Variants in COA1 observed in about 807,000 individuals in gnomAD.
COA1 encodes the protein cytochrome c oxidase assembly factor 1.
COA1 carries 13 observed loss-of-function variants against 16.0 expected under a neutral mutation model. That is an observed-to-expected ratio of 0.81 (90% CI 0.53 to 1.29). The LOEUF (loss-of-function observed/expected upper bound fraction) is 1.29, where lower values mean the gene tolerates loss of function less well. Among genes scored for constraint, COA1 ranks in the 50% most tolerant of loss-of-function variants. COA1 has a pLI of 0.00. For synonymous variants in COA1, 65 were observed against 65.7 expected (o/e 0.99, Z 0.05); for missense variants, 179 against 177.0 (o/e 1.01, Z -0.06).
At position 43,648,146 on chromosome 7, in the gene COA1, T is replaced by C. The variant is rs570666179; in HGVS notation, c.15+454A>G. On this transcript the variant is annotated intron_variant, in intron 2 of 5. Coordinates refer to ENST00000223336, the MANE Select transcript of COA1 (RefSeq NM_018224.4). ...TTATGACTCAGGCTGAATGAACAGA[T>C]GGAGGGATGCCAGCTCGGTAAATAC... is the stretch of plus-strand genomic sequence containing the variant. 4.3e-5 allele frequency: 9 copies of C among 210,240 alleles called. No homozygotes were observed. The East Asian group carries it at 8.3e-4, about 19-fold the overall frequency. 13.0% of individuals were successfully genotyped at this position (210,240 alleles called of 1,614,324 possible). A position where few individuals can be genotyped will look rare whatever the true frequency, so the allele number is the denominator to read the frequency against.
intron 4 of COA1, 32 bp from the exon 5 acceptor site, chr7:43,640,681 G>A (rs758968798): frequency 3.5e-6 from 5 of 1,431,630 alleles, no homozygotes; most frequent in Non-Finnish European, 4.8e-6. Context: ...AAGGAGAGAT[G>A]TAATTGGATA....
At chr7:43,689,993 G>A (rs2094201575) in intron 1 of COA1, among the ~76,000 whole-genome samples, 1 of 151,900 alleles carries the variant, frequency 6.6e-6, no homozygotes, top group South Asian at 2.1e-4. Context: ...AGACAGATGG[G>A]ACACATAGAA....
At chr7:43,613,329 A>G (rs749673238) in intron 6 of COA1, among the ~76,000 whole-genome samples, 45 of 152,218 alleles carry the variant, frequency 3.0e-4, no homozygotes, top group Non-Finnish European at 4.4e-4. Flanking sequence ...GTGTGGTATT[A>G]TAATAGCTAT....
chr7:43,612,510 A>G (rs149844804), intron 6 of COA1, among the ~76,000 whole-genome samples: 194 of 152,352 alleles, frequency 1.3e-3, no homozygotes, highest in African/African-American at 4.5e-3. Context: ...CATTGCCTCA[A>G]AGCTAAATAT....
chr7:43,639,716 A>G (rs780627973), intron 5 of COA1, 35 bp from the exon 6 acceptor site: 27 of 1,543,228 alleles, frequency 1.7e-5, no homozygotes, highest in Middle Eastern at 1.7e-4. Context: ...TCTCTAATCT[A>G]TGAAGGCTGA....
At chr7:43,657,509 CCATT>C (rs2091893958) in intron 1 of COA1, among the ~76,000 whole-genome samples, 1 of 151,958 alleles carries the variant, frequency 6.6e-6, no homozygotes, top group Non-Finnish European at 1.5e-5. Context: ...CAGTTGTTAC[CCATT>C]CATTCAATCA....
chr7:43,639,693 C>T lies in COA1; in HGVS notation c.342-12G>A, dbSNP rs1044536155. 6.3e-7 allele frequency: 1 copy of T among 1,599,568 alleles called. No individual in the cohort carries two copies. The highest frequency in any genetic ancestry group is 1.3e-5 in the African/African-American group (1 of 74,590). On this transcript the variant is annotated splice_polypyrimidine_tract_variant and intron_variant, in intron 5 of 5. Transcript: ENST00000223336. Reference sequence around the variant, plus strand: ...CGTCAAGGTGCCACCTGAGAGAAACCAAAAGTATAGTATCTCTAATCTATG... The same window carrying T: ...CGTCAAGGTGCCACCTGAGAGAAACTAAAAGTATAGTATCTCTAATCTATG...
chr7:43,680,283 CAA>C (rs552891478), intron 1 of COA1, among the ~76,000 whole-genome samples: 9 of 72,992 alleles, frequency 1.2e-4, no homozygotes, highest in African/African-American at 9.9e-5. Context: ...GACAGGGAGA[CAA>C]AAAAAAAAAA....
intron 1 of COA1, among the ~76,000 whole-genome samples, chr7:43,675,171 G>A (rs117125672): frequency 0.033 from 4,964 of 152,226 alleles, 103 homozygotes; most frequent in Non-Finnish European, 0.048. Flanking sequence ...GCAAAGACTT[G>A]GAACCAACCC....
Position 43,645,236 on chromosome 7 carries a change from G to C in COA1, c.264+15C>G. 2 of 1,613,300 alleles carry C rather than the reference G, an allele frequency of 1.2e-6. No individual in the cohort carries two copies. The highest frequency in any genetic ancestry group is 1.7e-6 in the Non-Finnish European group (2 of 1,179,542). On this transcript the variant is annotated intron_variant, in intron 4 of 5. Coordinates refer to ENST00000223336, the MANE Select transcript of COA1 (RefSeq NM_018224.4). The stretch of plus-strand genomic sequence containing the variant: ...AGCAGGCACCAGCCTGCGGTTCGCA[G>C]GGAAAGCACATTACCTTGGCATCAA...
At chr7:43,707,576 G>C (rs1183580780) in intron 1 of COA1, among the ~76,000 whole-genome samples, 1 of 151,982 alleles carries the variant, frequency 6.6e-6, no homozygotes, top group Non-Finnish European at 1.5e-5. Flanking sequence ...TAACATTCTA[G>C]TTCTGTACTG....
chr7:43,670,419 C>G (rs1366274384), intron 1 of COA1, among the ~76,000 whole-genome samples: 3 of 151,742 alleles, frequency 2.0e-5, no homozygotes, highest in Admixed American at 6.6e-5. Context: ...CACCACTGCA[C>G]TACAGCCTGA....
At chr7:43,696,521 T>C (rs1443398606) in intron 1 of COA1, among the ~76,000 whole-genome samples, 1 of 152,138 alleles carries the variant, frequency 6.6e-6, no homozygotes, top group East Asian at 1.9e-4. Flanking sequence ...TACAATGGAA[T>C]ACTACACAGC....
At chr7:43,631,257 GCT>G (rs2085145745) in intron 6 of COA1, 1 of 152,220 alleles carries the variant, frequency 6.6e-6, no homozygotes. Context: ...AGGCAGTCTT[GCT>G]CTGTTGCCCA....
In COA1 at chr7:43,648,635, C is replaced by A; in HGVS notation, c.-21G>T. ...ATCATAGCACAACTCTCTTGAAAAT[C>A]ATCAAAGGCAAGTTGTCCTGCAATT... On this transcript the variant is annotated 5_prime_UTR_variant, in exon 2 of 6. An upstream start codon of the reference 5' UTR is lost. Coordinates refer to ENST00000223336, the MANE Select transcript of COA1 (RefSeq NM_018224.4). 4 of 1,611,976 alleles carry A rather than the reference C, an allele frequency of 2.5e-6. No individual in the cohort carries two copies. The highest frequency in any genetic ancestry group is 3.4e-6 in the Non-Finnish European group (4 of 1,179,168).
intron 1 of COA1, among the ~76,000 whole-genome samples, chr7:43,708,747 T>A (rs908884145): frequency 6.6e-6 from 1 of 152,152 alleles, no homozygotes; most frequent in Non-Finnish European, 1.5e-5. Flanking sequence ...TTTTCTCTCT[T>A]ATCTTTTATT....
At position 43,615,165 on chromosome 7, in the gene COA1, T is replaced by C. The variant is rs1436729450; in HGVS notation, c.*134-5670A>G. Among the ~76,000 whole-genome samples the C allele has an allele frequency of 2.6e-5, 4 of 152,150 alleles. No homozygotes were observed. In the East Asian group the frequency reaches 7.7e-4, roughly 29 times the overall value. On this transcript the variant is annotated intron_variant and NMD_transcript_variant, in intron 6 of 6. Coordinates refer to the COA1 transcript ENST00000415076. The stretch of plus-strand genomic sequence containing the variant: ...GACATTTTGTGGTTACTATAGTTTT[T>C]GTTTTGTTTTTTGTTTGTTTGTTTG...
chr7:43,697,387 G>A (rs936962796), intron 1 of COA1, among the ~76,000 whole-genome samples: 2 of 151,908 alleles, frequency 1.3e-5, no homozygotes, highest in African/African-American at 4.8e-5. Flanking sequence ...TGCCTCCCTG[G>A]TTCAAGTGAT....
chr7:43,703,238 T>C (rs912247435), intron 1 of COA1, among the ~76,000 whole-genome samples: 12 of 152,136 alleles, frequency 7.9e-5, no homozygotes, highest in African/African-American at 2.7e-4. Flanking sequence ...TGTTTTAGAA[T>C]TGCTTTATGG....
Sources: allele counts gnomAD v4.1 joint callset (sites outside exome capture counted in the v4.1 genomes callset), GRCh38; gene constraint gnomAD v4.1.1; transcripts MANE v1.5; gene names NCBI Gene and HGNC (gene_info 2026-07-23, HGNC 2026-07-21).